KIAA0825: variants seen among roughly 807,000 people sequenced by gnomAD.
The protein encoded by KIAA0825 is uncharacterized protein KIAA0825.
A neutral mutation model predicts 147.6 loss-of-function variants in KIAA0825; 119 were observed. The observed-to-expected ratio is 0.81, with a 90% confidence interval of 0.69 to 0.94. KIAA0825 has a LOEUF of 0.94. KIAA0825 is among the 40% of genes least tolerant of loss of function. KIAA0825 has a pLI of 0.00. For missense variants in KIAA0825, 1,381 were observed against 1,472.7 expected (o/e 0.94, Z 1.02); for synonymous variants, 470 against 518.1 (o/e 0.91, Z 1.26).
At chr5:94,483,158 AT>A (rs1432045847) in intron 6 of KIAA0825, among the ~76,000 whole-genome samples, 1 of 151,950 alleles carries the variant, frequency 6.6e-6, no homozygotes. Flanking sequence ...ATTCTTGGCC[AT>A]TTCAGTGTAA....
intron 4 of KIAA0825, among the ~76,000 whole-genome samples, chr5:94,521,906 G>A (rs1303196050): frequency 2.0e-5 from 3 of 151,668 alleles, no homozygotes; most frequent in African/African-American, 7.2e-5. Context: ...TATTGATGAA[G>A]ATACCAAAGG....
intron 20 of KIAA0825, among the ~76,000 whole-genome samples, chr5:94,214,825 C>G (rs1024903232): frequency 2.0e-5 from 3 of 152,188 alleles, no homozygotes; most frequent in African/African-American, 7.2e-5. Context: ...CTTTTCTCTA[C>G]GTTCATGTGA....
At chr5:94,364,016 G>A (rs1022365451) in intron 20 of KIAA0825, among the ~76,000 whole-genome samples, 1 of 151,972 alleles carries the variant, frequency 6.6e-6, no homozygotes, top group African/African-American at 2.4e-5. Flanking sequence ...ACAGACCCAT[G>A]CTTTCACCAC....
intron 20 of KIAA0825, among the ~76,000 whole-genome samples, chr5:94,293,459 C>T (rs1181084588): frequency 1.3e-5 from 2 of 152,174 alleles, no homozygotes; most frequent in Non-Finnish European, 2.9e-5. Flanking sequence ...AATTTGATTG[C>T]ACTGTGGTCT....
At chr5:94,349,512 A>G (rs1783393575) in intron 20 of KIAA0825, among the ~76,000 whole-genome samples, 1 of 152,216 alleles carries the variant, frequency 6.6e-6, no homozygotes, top group Admixed American at 6.5e-5. Flanking sequence ...AACTTTCTCC[A>G]AGATAGACCA....
rs1200272710 is a variant in KIAA0825 at position 94,403,649 on chromosome 5, A to G, written c.2807T>C (p.Val936Ala). The G allele has an allele frequency of 1.3e-6, 2 of 1,551,592 alleles. No individual in the cohort carries two copies. The highest frequency in any genetic ancestry group is 3.9e-5 in the Admixed American group (2 of 51,002). Residue 936 changes from valine (V) to alanine (A), a missense_variant, in exon 16 of 21, where the codon GTT (valine) becomes GCT (alanine). Transcript: ENST00000682413. ...CATGCTCTCAAGCAAACAATCAGGA[A>G]CAATGTGCTTGTTTAGGTTTGTCTC... ...NCETNLNKHI[V>A]PDCLLESMPK...
intron 1 of KIAA0825, among the ~76,000 whole-genome samples, chr5:94,606,498 T>C (rs1787515201): frequency 6.6e-6 from 1 of 152,108 alleles, no homozygotes; most frequent in Non-Finnish European, 1.5e-5. Context: ...TTACCTAACT[T>C]CAAACTACAC....
chr5:94,355,162 C>A (rs944044891), intron 20 of KIAA0825, among the ~76,000 whole-genome samples: 1 of 152,110 alleles, frequency 6.6e-6, no homozygotes, highest in Non-Finnish European at 1.5e-5. Flanking sequence ...GGCCAAGGTT[C>A]TTTTGATGTC....
chr5:94,189,117 T>C (rs1583795059), intron 20 of KIAA0825, among the ~76,000 whole-genome samples: 1 of 152,216 alleles, frequency 6.6e-6, no homozygotes, highest in East Asian at 1.9e-4. Flanking sequence ...ATTTATGAAA[T>C]TGAGTTTTCC....
At chr5:94,598,590 C>T (rs1035237129) in intron 1 of KIAA0825, among the ~76,000 whole-genome samples, 1 of 151,910 alleles carries the variant, frequency 6.6e-6, no homozygotes, top group African/African-American at 2.4e-5. Context: ...ATACATAAAC[C>T]AGTAACACAG....
chr5:94,307,287 G>A (rs1778804856), intron 20 of KIAA0825, among the ~76,000 whole-genome samples: 1 of 151,640 alleles, frequency 6.6e-6, no homozygotes, highest in Admixed American at 6.6e-5. Flanking sequence ...CTTCCCTTGT[G>A]CCTGACAGGC....
In KIAA0825 at chr5:94,477,179, C is replaced by A. The variant is rs1761987703; in HGVS notation, c.1159G>T (p.Val387Phe). 6.5e-7 allele frequency: 1 copy of A among 1,549,742 alleles called. No individual in the cohort carries two copies. Among genetic ancestry groups the A allele is most frequent in the Non-Finnish European group, 8.7e-7 (1 of 1,146,370 alleles). The part of the protein sequence containing the change: ...SGILEKSDRE[V>F]VMEKPRANET... The stretch of plus-strand genomic sequence containing the variant: ...TTTGCTCTAGGTTTTTCCATTACAA[C>A]CTCTCTATCGGATTTCTCCAAAATT... The change falls in exon 7 of 21, where the codon GTT becomes TTT. Residue 387 changes from valine to phenylalanine, a missense_variant. Val to Phe is a conservative substitution (Grantham distance 50). Transcript: ENST00000682413.
intron 6 of KIAA0825, among the ~76,000 whole-genome samples, chr5:94,480,917 T>A (rs934287273): frequency 6.6e-6 from 1 of 152,138 alleles, no homozygotes; most frequent in African/African-American, 2.4e-5. Flanking sequence ...TAACATGGGA[T>A]CTACACTAAT....
chr5:94,507,743 A>T (rs1765931018), intron 5 of KIAA0825, among the ~76,000 whole-genome samples: 1 of 152,194 alleles, frequency 6.6e-6, no homozygotes, highest in African/African-American at 2.4e-5. Flanking sequence ...TATAAGGAAA[A>T]GCAGAAGAAA....
intron 3 of KIAA0825, among the ~76,000 whole-genome samples, chr5:94,532,530 T>C (rs771078973): frequency 5.9e-5 from 9 of 151,608 alleles, no homozygotes; most frequent in Non-Finnish European, 1.3e-4. Context: ...CCTTTCCTCA[T>C]TTCCCTTTCC....
intron 1 of KIAA0825, among the ~76,000 whole-genome samples, chr5:94,586,732 C>A (rs575138303): frequency 4.3e-4 from 65 of 151,700 alleles, no homozygotes; most frequent in Non-Finnish European, 8.8e-4. Context: ...TGGCAGAGAC[C>A]CAACAAAAAA....
intron 1 of KIAA0825, among the ~76,000 whole-genome samples, chr5:94,614,010 T>C (rs1585051114): frequency 6.6e-6 from 1 of 152,256 alleles, no homozygotes; most frequent in African/African-American, 2.4e-5. Context: ...GATACGAATA[T>C]GTCTAAATAT....
intron 20 of KIAA0825, among the ~76,000 whole-genome samples, chr5:94,172,667 C>G (rs1260574060): frequency 1.3e-5 from 2 of 151,904 alleles, no homozygotes; most frequent in Admixed American, 6.6e-5. Flanking sequence ...ATGATTGTTT[C>G]TAGAATTTTG....
chr5:94,548,260 G>T (rs1054483720), intron 2 of KIAA0825, among the ~76,000 whole-genome samples: 20 of 152,110 alleles, frequency 1.3e-4, no homozygotes, highest in African/African-American at 4.8e-4. Flanking sequence ...ACAACGAAAA[G>T]TTAAAAAGCT....
Sources: gnomAD v4.1 joint callset for allele counts (sites outside exome capture counted in the v4.1 genomes callset) on GRCh38, gnomAD v4.1.1 for gene constraint, MANE v1.5 for transcripts, NCBI Gene and HGNC (gene_info 2026-07-23, HGNC 2026-07-21) for gene names.